The following SEMA3A variants were observed in gnomAD, a reference collection of about 807,000 sequenced individuals.
SEMA3A encodes the protein semaphorin 3A.
SEMA3A carries 29 observed loss-of-function variants against 97.9 expected under a neutral mutation model. The ratio of observed to expected loss-of-function variants is 0.30; its 90% CI spans 0.22 to 0.40. The LOEUF (loss-of-function observed/expected upper bound fraction) is 0.40, where lower values mean the gene tolerates loss of function less well. Ranked by LOEUF, SEMA3A falls within the 10% of genes least tolerant of loss-of-function variation. The probability of loss-of-function intolerance (pLI) is 1.00; values close to 1 mark genes in which losing one functional copy is unlikely to be tolerated. For synonymous variants in SEMA3A, 321 were observed against 323.7 expected (o/e 0.99, Z 0.09); for missense variants, 763 against 951.3 (o/e 0.80, Z 2.60).
In SEMA3A at chr7:84,080,879, A is replaced by T. The variant is rs1271122111; in HGVS notation, c.454-20321T>A. ...GAGCCACCGCGCCCGGCCGCAGCTTATAATTCTTTAAAAAATATACTTTAA... is the reference window on the plus strand; with the variant it reads ...GAGCCACCGCGCCCGGCCGCAGCTTTTAATTCTTTAAAAAATATACTTTAA... On this transcript the variant is annotated intron_variant, in intron 4 of 16. Coordinates refer to ENST00000265362, the MANE Select transcript of SEMA3A (RefSeq NM_006080.3). Among the ~76,000 whole-genome samples, 2 of 151,228 alleles carry T rather than the reference A, an allele frequency of 1.3e-5. 1 individual carries two copies. Among genetic ancestry groups the T allele is most frequent in the Admixed American group, 1.3e-4 (2 of 15,106 alleles).
At chr7:84,031,423 A>C (rs1276762441) in intron 6 of SEMA3A, among the ~76,000 whole-genome samples, 19 of 152,342 alleles carry the variant, frequency 1.2e-4, no homozygotes, top group African/African-American at 4.6e-4. Context: ...AAAATTCTAT[A>C]CATGAGTCAA....
intron 15 of SEMA3A, among the ~76,000 whole-genome samples, chr7:83,972,345 C>T (rs548113993): frequency 6.6e-6 from 1 of 151,958 alleles, no homozygotes; most frequent in South Asian, 2.1e-4. Flanking sequence ...CAGGCTGAAA[C>T]TCATTTACTT....
intron 1 of SEMA3A, among the ~76,000 whole-genome samples, chr7:84,418,715 G>T (rs895080397): frequency 6.6e-6 from 1 of 151,882 alleles, no homozygotes; most frequent in Non-Finnish European, 1.5e-5. Flanking sequence ...CCTCCGGGGG[G>T]CTCTTGAGCC....
At chr7:84,482,969 T>A (rs1254342022) in intron 1 of SEMA3A, among the ~76,000 whole-genome samples, 1 of 151,880 alleles carries the variant, frequency 6.6e-6, no homozygotes, top group Non-Finnish European at 1.5e-5. Flanking sequence ...TTCAGCCCTT[T>A]GAAATGTTTA....
chr7:84,265,232 G>A (rs1799960445), intron 3 of SEMA3A, among the ~76,000 whole-genome samples: 2 of 151,828 alleles, frequency 1.3e-5, no homozygotes, highest in Non-Finnish European at 2.9e-5. Flanking sequence ...TATTACTTTT[G>A]ATTTAGCTTT....
intron 12 of SEMA3A, among the ~76,000 whole-genome samples, chr7:83,987,723 C>A (rs1789696638): frequency 6.6e-6 from 1 of 152,156 alleles, no homozygotes; most frequent in Non-Finnish European, 1.5e-5. Flanking sequence ...TTCAACTTAC[C>A]CCACTATACT....
chr7:84,480,699 T>A (rs1326268195), intron 1 of SEMA3A, among the ~76,000 whole-genome samples: 3 of 152,102 alleles, frequency 2.0e-5, no homozygotes, highest in Non-Finnish European at 4.4e-5. Context: ...GAATTGGAAG[T>A]GTCCTCTTTT....
intron 3 of SEMA3A, among the ~76,000 whole-genome samples, chr7:84,292,965 C>T (rs1363712716): frequency 6.6e-6 from 1 of 151,896 alleles, no homozygotes; most frequent in Non-Finnish European, 1.5e-5. Context: ...GTATAAGAAA[C>T]TAATTTACAT....
At chr7:84,050,868 T>C (rs1422009677) in intron 5 of SEMA3A, among the ~76,000 whole-genome samples, 2 of 151,334 alleles carry the variant, frequency 1.3e-5, no homozygotes, top group African/African-American at 2.4e-5. Context: ...CTTTAATCCA[T>C]CTTGAATTGA....
At chr7:84,123,675 G>A (rs1211455026) in intron 3 of SEMA3A, among the ~76,000 whole-genome samples, 1 of 148,218 alleles carries the variant, frequency 6.7e-6, no homozygotes, top group Non-Finnish European at 1.5e-5. Context: ...AATATTAAAA[G>A]AACAATAAGT....
intron 1 of SEMA3A, among the ~76,000 whole-genome samples, chr7:84,191,880 C>T (rs1798050690): frequency 6.6e-6 from 1 of 151,792 alleles, no homozygotes; most frequent in Non-Finnish European, 1.5e-5. Flanking sequence ...CTATTCAATT[C>T]CTTTTTCCTA....
chr7:84,055,263 C>T (rs1020309825), intron 5 of SEMA3A, among the ~76,000 whole-genome samples: 5 of 152,206 alleles, frequency 3.3e-5, no homozygotes, highest in Admixed American at 3.3e-4. Context: ...CTTTGTTTAC[C>T]TAATCAAGCC....
Position 84,182,742 on chromosome 7 carries a change from T to A in SEMA3A, c.112+11733A>T, listed in dbSNP as rs1385295990. Reference sequence around the variant, plus strand: ...TACAGTTAAGACATTTAGCTTCACCTAAATGAAGGTGAAAGACTGAAAAAC... The same window carrying A: ...TACAGTTAAGACATTTAGCTTCACCAAAATGAAGGTGAAAGACTGAAAAAC... On this transcript the variant is annotated intron_variant, in intron 1 of 16. Coordinates refer to ENST00000265362, the MANE Select transcript of SEMA3A (RefSeq NM_006080.3). Among the ~76,000 whole-genome samples, 4 of 152,134 alleles carry A rather than the reference T, an allele frequency of 2.6e-5. No individual in the cohort carries two copies. The East Asian group carries it at 5.8e-4, about 22-fold the overall frequency.
chr7:84,404,338 T>A (rs908574462), intron 1 of SEMA3A, among the ~76,000 whole-genome samples: 3 of 151,800 alleles, frequency 2.0e-5, no homozygotes, highest in African/African-American at 7.3e-5. Context: ...AAGAGAAGTT[T>A]AGAAAAAAAA....
In SEMA3A at chr7:84,206,320, ATT is replaced by A. The variant is rs532227830; in HGVS notation, c.-82-11654_-82-11653del. Reference sequence around the variant, plus strand: ...AGTTTATTGTAGAAACCAAGATGGCATTTTTTTTTTTTTTTTTTTTGAGACAG... The same window carrying A: ...AGTTTATTGTAGAAACCAAGATGGCATTTTTTTTTTTTTTTTTTGAGACAG... On this transcript the variant is annotated intron_variant, in intron 3 of 3. Coordinates refer to the SEMA3A transcript ENST00000424555. 9.6e-3 allele frequency among the ~76,000 whole-genome samples: 1,245 copies of A among 130,338 alleles called. 14 individuals are homozygous for A. Among genetic ancestry groups the A allele is most frequent in the African/African-American group, 0.033 (1,159 of 34,886 alleles). The allele number at this position is 130,338 out of a possible 152,430, so 85.5% of individuals were successfully genotyped here.
chr7:84,330,617 C>A (rs1048755946), intron 2 of SEMA3A, among the ~76,000 whole-genome samples: 5 of 152,018 alleles, frequency 3.3e-5, no homozygotes, highest in African/African-American at 1.2e-4. Flanking sequence ...CCTTTACCAC[C>A]CAAAATAGTC....
intron 15 of SEMA3A, among the ~76,000 whole-genome samples, chr7:83,968,869 G>A (rs1280834922): frequency 7.2e-6 from 1 of 138,940 alleles, no homozygotes; most frequent in Admixed American, 7.6e-5. Flanking sequence ...GGAGTGCAGT[G>A]GCACGATCTC....
intron 3 of SEMA3A, among the ~76,000 whole-genome samples, chr7:84,128,372 A>G (rs1471278814): frequency 6.6e-6 from 1 of 152,292 alleles, no homozygotes; most frequent in East Asian, 1.9e-4. Flanking sequence ...TAATTTAATT[A>G]TGACTCAGAA....
At chr7:83,967,206 C>T (rs76243684) in intron 15 of SEMA3A, among the ~76,000 whole-genome samples, 212 of 152,216 alleles carry the variant, frequency 1.4e-3, no homozygotes, top group African/African-American at 5.0e-3. Flanking sequence ...TAAACAGATA[C>T]CTAATCAATA....
Sources: allele counts gnomAD v4.1 joint callset (sites outside exome capture counted in the v4.1 genomes callset), GRCh38; gene constraint gnomAD v4.1.1; transcripts MANE v1.5; gene names NCBI Gene and HGNC (gene_info 2026-07-23, HGNC 2026-07-21).